The following IRGQ variants were observed in gnomAD, a reference collection of about 807,000 sequenced individuals.
IRGQ encodes immunity-related GTPase family Q protein.
A neutral mutation model predicts 10.5 loss-of-function variants in IRGQ; 5 were observed. That is an observed-to-expected ratio of 0.48 (90% CI 0.25 to 1.00). The LOEUF (loss-of-function observed/expected upper bound fraction) is 1.00, where lower values mean the gene tolerates loss of function less well. IRGQ is among the 50% of genes least tolerant of loss of function. The pLI is 0.16. For synonymous variants in IRGQ, 418 were observed against 426.0 expected (o/e 0.98, Z 0.23); for missense variants, 792 against 877.7 (o/e 0.90, Z 1.23).
Position 43,592,781 on chromosome 19 carries a change from A to G in IRGQ, c.1117T>C (p.Cys373Arg), listed in dbSNP as rs1272943287. The change falls in exon 3 of 3, where the codon TGT becomes CGT. Residue 373 changes from cysteine to arginine, a missense_variant. Cys to Arg is a radical substitution (Grantham distance 180, BLOSUM62 -3). Coordinates refer to ENST00000422989, the MANE Select transcript of IRGQ (RefSeq NM_001007561.3). ...ENALSKGREK[C>R]SAGSQKAGSG... ...CCTGCTTTCTGCGATCCAGCGCTAC[A>G]TTTCTCCCTTCCCTTACTGAGTGCA... 1 of 1,613,386 alleles carries G rather than the reference A, an allele frequency of 6.2e-7. No homozygotes were observed. Among genetic ancestry groups the G allele is most frequent in the African/African-American group, 1.3e-5 (1 of 74,804 alleles).
At chr19:43,595,402 C>A (rs1973123092) in intron 1 of IRGQ, 62 bp from the exon 2 acceptor site, 3 of 1,458,254 alleles carry the variant, frequency 2.1e-6, no homozygotes, top group African/African-American at 1.4e-5. Flanking sequence ...CCTTTCCTAG[C>A]CGCCCCACTC....
At position 43,591,882 on chromosome 19, in the gene IRGQ, C is replaced by G. The variant is rs1047112320; in HGVS notation, c.*144G>C. 2 of 664,280 alleles carry G rather than the reference C, an allele frequency of 3.0e-6. No homozygotes were observed. Among genetic ancestry groups the G allele is most frequent in the African/African-American group, 3.7e-5 (2 of 53,792 alleles). The allele number at this position is 664,280 out of a possible 1,614,324, so 41.1% of individuals were successfully genotyped here. ...AAAAAAAAAAAAAAAATCAGGATTC[C>G]TGTCCCCCAGACTCTCTGAATCCAG... On this transcript the variant is annotated 3_prime_UTR_variant, in exon 3 of 3. Transcript: ENST00000422989.
In IRGQ at chr19:43,587,830, TG is replaced by T. The variant is rs1423496738; in HGVS notation, c.*4195del. 6.7e-6 allele frequency: 1 copy of T among 150,298 alleles called. No individual in the cohort carries two copies. Among genetic ancestry groups the T allele is most frequent in the Non-Finnish European group, 1.5e-5 (1 of 67,634 alleles). 9.3% of individuals were successfully genotyped at this position (150,298 alleles called of 1,614,324 possible). A position where few individuals can be genotyped will look rare whatever the true frequency, so the allele number is the denominator to read the frequency against. On this transcript the variant is annotated 3_prime_UTR_variant, in exon 3 of 3. Coordinates refer to ENST00000422989, the MANE Select transcript of IRGQ (RefSeq NM_001007561.3). ...CTGAGGCAGGAGAATCACTTGAACC[TG>T]GAAGGTGGAGGTTGCAGTGAGCCGA...
At position 43,590,435 on chromosome 19, in the gene IRGQ, C is replaced by T. The variant is rs970103583; in HGVS notation, c.*1591G>A. On this transcript the variant is annotated 3_prime_UTR_variant, in exon 3 of 3. Transcript: ENST00000422989. ...GAATTCTGTAACCTGCAACTTTTCC[C>T]CCACATGTGGCTAGCAGCCTAGAAC... is the stretch of plus-strand genomic sequence containing the variant. The T allele has an allele frequency of 6.6e-5, 10 of 152,232 alleles. No homozygotes were observed. The highest frequency in any genetic ancestry group is 2.4e-4 in the African/African-American group (10 of 41,456). The allele number at this position is 152,232 out of a possible 1,614,324, so 9.4% of individuals were successfully genotyped here. A position where few individuals can be genotyped will look rare whatever the true frequency, so the allele number is the denominator to read the frequency against.
chr19:43,594,397 G>A (rs2146099467), intron 2 of IRGQ, among the ~76,000 whole-genome samples: 1 of 152,348 alleles, frequency 6.6e-6, no homozygotes, highest in East Asian at 1.9e-4. Flanking sequence ...TGGGGAAACA[G>A]TGAGATGCTG....
Position 43,588,763 on chromosome 19 carries a change from T to G in IRGQ, c.*3263A>C, listed in dbSNP as rs1317980203. 2.0e-5 allele frequency: 3 copies of G among 152,274 alleles called. No homozygotes were observed. The highest frequency in any genetic ancestry group is 7.2e-5 in the African/African-American group (3 of 41,476). 9.4% of individuals were successfully genotyped at this position (152,274 alleles called of 1,614,324 possible). A position where few individuals can be genotyped will look rare whatever the true frequency, so the allele number is the denominator to read the frequency against. On this transcript the variant is annotated 3_prime_UTR_variant, in exon 3 of 3. Coordinates refer to ENST00000422989, the MANE Select transcript of IRGQ (RefSeq NM_001007561.3). ...TGACATATGTGGCTTGCATTTCGTTTCTACTGGACAGTGCTGCCCTGCAGC... is the reference window on the plus strand; with the variant it reads ...TGACATATGTGGCTTGCATTTCGTTGCTACTGGACAGTGCTGCCCTGCAGC...
rs1458023783 is a variant in IRGQ, at chr19:43,594,924, C to T, written c.415G>A (p.Gly139Arg). The T allele has an allele frequency of 1.2e-5, 19 of 1,613,972 alleles. No individual in the cohort carries two copies. In the Admixed American group the frequency reaches 2.5e-4, roughly 21 times the overall value. The stretch of plus-strand genomic sequence containing the variant: ...ACAAACAGATCCGCAGCTCCTAACC[C>T]CGCGCTGTTCAGCAGAGCTGCTGTC... ...DQTAALLNSA[G>R]LGAADLFVLP... The change falls in exon 2 of 3, where the codon GGG becomes AGG. Residue 139 changes from glycine (G) to arginine (R), a missense_variant. Coordinates refer to ENST00000422989, the MANE Select transcript of IRGQ (RefSeq NM_001007561.3).
rs1451736496 is a variant in IRGQ at position 43,590,348 on chromosome 19, A to G, written c.*1678T>C. 6.6e-6 allele frequency: 1 copy of G among 152,260 alleles called. No individual in the cohort carries two copies. The highest frequency in any genetic ancestry group is 1.5e-5 in the Non-Finnish European group (1 of 68,054). 9.4% of individuals were successfully genotyped at this position (152,260 alleles called of 1,614,324 possible). ...TCTCTGGACTTTGCTCTTTCTGTCT[A>G]CGACAAAAGGGATTCTATCGCTTGG... On this transcript the variant is annotated 3_prime_UTR_variant, in exon 3 of 3. Coordinates refer to ENST00000422989, the MANE Select transcript of IRGQ (RefSeq NM_001007561.3).
chr19:43,594,862 C>T lies in IRGQ; in HGVS notation c.477G>A (p.Glu159=), dbSNP rs145590419. ...GCGCCGCCCGGAGGCGCTCTAGCTC[C>T]TCGCAGCCGTCGCTGCTGCCGCAGT... ...PANCGSSDGC[E]ELERLRAALQ... Residue 159 remains glutamate (E), a synonymous_variant, in exon 2 of 3, where the codon GAG becomes GAA. Coordinates refer to ENST00000422989, the MANE Select transcript of IRGQ (RefSeq NM_001007561.3). The T allele has an allele frequency of 7.4e-6, 12 of 1,613,334 alleles. No homozygotes were observed. The highest frequency in any genetic ancestry group is 1.0e-5 in the Non-Finnish European group (12 of 1,179,832).
Position 43,595,074 on chromosome 19 carries a change from C to G in IRGQ, c.265G>C (p.Gly89Arg). 1 of 1,612,334 alleles carries G rather than the reference C, an allele frequency of 6.2e-7. No homozygotes were observed. Among genetic ancestry groups the G allele is most frequent in the Non-Finnish European group, 8.5e-7 (1 of 1,179,362 alleles). Reference protein sequence around the residue: ...VLVLPGPEGNGEPLAPALGEA... With the variant: ...VLVLPGPEGNREPLAPALGEA... ...CCCAGGGCTGGAGCCAACGGTTCCC[C>G]GTTCCCCTCGGGTCCGGGCAGCACC... Residue 89 changes from glycine to arginine, a missense_variant, in exon 2 of 3, where the codon GGG becomes CGG. Physicochemically the swap from Gly to Arg is moderately radical, Grantham distance 125 (BLOSUM62 -2). Transcript: ENST00000422989.
chr19:43,591,871 AATC>A lies in IRGQ; in HGVS notation c.*152_*154del. 1 of 711,232 alleles carries A rather than the reference AATC, an allele frequency of 1.4e-6. No individual in the cohort carries two copies. The highest frequency in any genetic ancestry group is 2.9e-5 in the East Asian group (1 of 34,788). The allele number at this position is 711,232 out of a possible 1,614,324, so 44.1% of individuals were successfully genotyped here. ...CAAAAAAAAGAAAAAAAAAAAAAAA[AATC>A]AGGATTCCTGTCCCCCAGACTCTCT... is the stretch of plus-strand genomic sequence containing the variant. On this transcript the variant is annotated 3_prime_UTR_variant, in exon 3 of 3. Coordinates refer to ENST00000422989, the MANE Select transcript of IRGQ (RefSeq NM_001007561.3).
rs564842038 is a variant in IRGQ at position 43,589,438 on chromosome 19, T to C, written c.*2588A>G. 6.6e-6 allele frequency: 1 copy of C among 152,226 alleles called. No homozygotes were observed. Among genetic ancestry groups the C allele is most frequent in the Non-Finnish European group, 1.5e-5 (1 of 68,020 alleles). 9.4% of individuals were successfully genotyped at this position (152,226 alleles called of 1,614,324 possible). On this transcript the variant is annotated 3_prime_UTR_variant, in exon 3 of 3. Coordinates refer to ENST00000422989, the MANE Select transcript of IRGQ (RefSeq NM_001007561.3). ...CAAGACCCCCGTCTCTACAGAAAATTTGGTGCTGTGTACCTATAGTCCCAG... is the reference window on the plus strand; with the variant it reads ...CAAGACCCCCGTCTCTACAGAAAATCTGGTGCTGTGTACCTATAGTCCCAG...
Position 43,591,918 on chromosome 19 carries a change from G to A in IRGQ, c.*108C>T, listed in dbSNP as rs1973060453. 9.5e-7 allele frequency: 1 copy of A among 1,054,796 alleles called. No individual in the cohort carries two copies. The highest frequency in any genetic ancestry group is 1.4e-6 in the Non-Finnish European group (1 of 735,406). The allele number at this position is 1,054,796 out of a possible 1,614,324, so 65.3% of individuals were successfully genotyped here. On this transcript the variant is annotated 3_prime_UTR_variant, in exon 3 of 3. Coordinates refer to ENST00000422989, the MANE Select transcript of IRGQ (RefSeq NM_001007561.3). The stretch of plus-strand genomic sequence containing the variant: ...ACTCTCTGAATCCAGGTGATAAGAA[G>A]TCACACATCCCAGCTGGAAGTCAAG...
At position 43,592,671 on chromosome 19, in the gene IRGQ, C is replaced by G. The variant is rs1973076359; in HGVS notation, c.1227G>C (p.Glu409Asp). The change falls in exon 3 of 3, where the codon GAG becomes GAC. Residue 409 changes from glutamate to aspartate, a missense_variant. Coordinates refer to ENST00000422989, the MANE Select transcript of IRGQ (RefSeq NM_001007561.3). ...CCTCCGGGCTTAACGCAGCGGCCCG[C>G]TCTGAGTCGCCACCACCTGATTTCT... ...GMKKSGGGDS[E>D]RAAALSPEDE... is the part of the protein sequence containing the mutation. 3 of 1,606,742 alleles carry G rather than the reference C, an allele frequency of 1.9e-6. No individual in the cohort carries two copies. The South Asian group carries it at 3.3e-5, about 18-fold the overall frequency.
At position 43,584,594 on chromosome 19, in the gene IRGQ, TAACA is replaced by T. The variant is rs1266651612; in HGVS notation, c.*7428_*7431del. 1.3e-5 allele frequency: 2 copies of T among 152,220 alleles called. No homozygotes were observed. The highest frequency in any genetic ancestry group is 4.8e-5 in the African/African-American group (2 of 41,460). The allele number at this position is 152,220 out of a possible 1,614,324, so 9.4% of individuals were successfully genotyped here. On this transcript the variant is annotated 3_prime_UTR_variant, in exon 3 of 3. Transcript: ENST00000422989. ...GTCTGTATTAGTTGCTTTTGCTACA[TAACA>T]AACCACTCCAAAATTTAGTGGTTTA...
At position 43,592,256 on chromosome 19, in the gene IRGQ, G is replaced by A. The variant is rs780969464; in HGVS notation, c.1642C>T (p.Pro548Ser). Residue 548 changes from proline (P) to serine (S), a missense_variant, in exon 3 of 3, where the codon CCA becomes TCA. By Grantham distance (74) the Pro-to-Ser change is moderately conservative. Transcript: ENST00000422989. Reference protein sequence around the residue: ...SGELAARAHFPGPVTRAEVEA... With the variant: ...SGELAARAHFSGPVTRAEVEA... ...ACCTCGGCGCGCGTCACCGGGCCTG[G>A]GAAATGAGCGCGCGCTGCCAGCTCT... 7 of 1,577,186 alleles carry A rather than the reference G, an allele frequency of 4.4e-6. No individual in the cohort carries two copies. In the Admixed American group the frequency reaches 8.8e-5, roughly 20 times the overall value.
In IRGQ at chr19:43,593,384, G is replaced by A. The variant is rs1973089259; in HGVS notation, c.531-17C>T. 1 of 1,502,130 alleles carries A rather than the reference G, an allele frequency of 6.7e-7. No homozygotes were observed. The highest frequency in any genetic ancestry group is 8.9e-7 in the Non-Finnish European group (1 of 1,124,334). The allele number at this position is 1,502,130 out of a possible 1,614,324, so 93.1% of individuals were successfully genotyped here. ...GGCAGGAGCCTGTGGGGACAAGAAG[G>A]GACAGGGTCAAAGGTAGAAGAGGGG... On this transcript the variant is annotated splice_polypyrimidine_tract_variant and intron_variant, in intron 2 of 2. Coordinates refer to ENST00000422989, the MANE Select transcript of IRGQ (RefSeq NM_001007561.3). This position sits in a 1 kb window ranked among gnomAD's most constrained non-coding sequence, Gnocchi z 6.4.
In IRGQ at chr19:43,591,899, T is replaced by C; in HGVS notation, c.*127A>G. ...CAGGATTCCTGTCCCCCAGACTCTCTGAATCCAGGTGATAAGAAGTCACAC... is the reference window on the plus strand; with the variant it reads ...CAGGATTCCTGTCCCCCAGACTCTCCGAATCCAGGTGATAAGAAGTCACAC... On this transcript the variant is annotated 3_prime_UTR_variant, in exon 3 of 3. Coordinates refer to ENST00000422989, the MANE Select transcript of IRGQ (RefSeq NM_001007561.3). 2.3e-6 allele frequency: 2 copies of C among 869,654 alleles called. No homozygotes were observed. Among genetic ancestry groups the C allele is most frequent in the Non-Finnish European group, 1.7e-6 (1 of 583,358 alleles). The allele number at this position is 869,654 out of a possible 1,614,324, so 53.9% of individuals were successfully genotyped here. A position where few individuals can be genotyped will look rare whatever the true frequency, so the allele number is the denominator to read the frequency against.
rs1289119108 is a variant in IRGQ, at chr19:43,592,710, CT to C, written c.1187del (p.Gln396ArgfsTer5). 2.5e-6 allele frequency: 4 copies of C among 1,609,878 alleles called. No individual in the cohort carries two copies. In the African/African-American group the frequency reaches 5.3e-5, roughly 21 times the overall value. ...PGKAGSEGLQ[Q>X]VVGMKKSGGG... ...CACCTGATTTCTTCATGCCGACAAC[CT>C]GCTGCAAACCCTCGCTGCCAGCTTT... On this transcript the variant is annotated frameshift_variant, in exon 3 of 3. Coordinates refer to ENST00000422989, the MANE Select transcript of IRGQ (RefSeq NM_001007561.3). LOFTEE classifies it low-confidence loss of function (END_TRUNC).
Sources: allele counts gnomAD v4.1 joint callset (sites outside exome capture counted in the v4.1 genomes callset), GRCh38; gene constraint gnomAD v4.1.1; non-coding constraint Gnocchi (gnomAD v3.1); transcripts MANE v1.5; gene names NCBI Gene and HGNC (gene_info 2026-07-23, HGNC 2026-07-21).